The following TMEM114 variants were observed in gnomAD, a reference collection of about 807,000 sequenced individuals.
The protein encoded by TMEM114 is claudin-26.
TMEM114 carries 6 observed loss-of-function variants against 6.2 expected under a neutral mutation model. That is an observed-to-expected ratio of 0.97 (90% confidence interval 0.53 to 1.91). The LOEUF (loss-of-function observed/expected upper bound fraction) is 1.91, where lower values mean the gene tolerates loss of function less well. Among genes scored for constraint, TMEM114 ranks in the 40% most tolerant of loss-of-function variants. The probability of loss-of-function intolerance (pLI) is 0.01; values close to 1 mark genes in which losing one functional copy is unlikely to be tolerated. For synonymous variants in TMEM114, 104 were observed against 73.0 expected (o/e 1.42, Z -2.16); for missense variants, 218 against 158.3 (o/e 1.38, Z -2.02).
At chr16:8,588,476 G>T (rs1036768074) in intron 2 of TMEM114, among the ~76,000 whole-genome samples, 17 of 152,106 alleles carry the variant, frequency 1.1e-4, no homozygotes, top group Non-Finnish European at 2.4e-4. Context: ...AAAGCAGTTC[G>T]CTCCACGTCT....
chr16:8,586,286 C>T (rs1481704333), intron 2 of TMEM114, among the ~76,000 whole-genome samples: 3 of 152,174 alleles, frequency 2.0e-5, no homozygotes, highest in African/African-American at 7.2e-5. Context: ...TATGACTGGT[C>T]CTAGGCAAGG....
intron 2 of TMEM114, among the ~76,000 whole-genome samples, chr16:8,547,195 T>G (rs1449830642): frequency 2.0e-5 from 3 of 152,008 alleles, no homozygotes; most frequent in African/African-American, 7.2e-5. Flanking sequence ...TTGTCATGAT[T>G]TTTGCATTAA....
chr16:8,582,603 G>A (rs1304793864), intron 2 of TMEM114, among the ~76,000 whole-genome samples: 5 of 152,182 alleles, frequency 3.3e-5, no homozygotes, highest in Admixed American at 2.6e-4. Flanking sequence ...ACAAACTGCT[G>A]AGTAGGCTGG....
downstream of TMEM114, among the ~76,000 whole-genome samples, chr16:8,565,923 A>G (rs1261258530): frequency 6.6e-6 from 1 of 152,226 alleles, no homozygotes; most frequent in East Asian, 1.9e-4. Flanking sequence ...CCACTGTCTT[A>G]AAGGCATATC....
intron 2 of TMEM114, among the ~76,000 whole-genome samples, chr16:8,553,632 C>T (rs1448558164): frequency 2.0e-5 from 3 of 152,152 alleles, no homozygotes; most frequent in South Asian, 2.1e-4. Flanking sequence ...ACTGCCGGCG[C>T]CTGCCATCAC....
At chr16:8,542,620 T>A (rs1445371095) in intron 2 of TMEM114, among the ~76,000 whole-genome samples, 1 of 152,096 alleles carries the variant, frequency 6.6e-6, no homozygotes, top group South Asian at 2.1e-4. Context: ...TCTGTGGGTT[T>A]GGGGTGGGGG....
chr16:8,566,944 A>C (rs1316755874), downstream of TMEM114, among the ~76,000 whole-genome samples: 1 of 116,104 alleles, frequency 8.6e-6, no homozygotes, highest in Non-Finnish European at 1.6e-5. Flanking sequence ...TCTGTCACCC[A>C]GGCTGGAGCG....
At chr16:8,584,445 C>T (rs1323533400) in intron 2 of TMEM114, among the ~76,000 whole-genome samples, 1 of 152,170 alleles carries the variant, frequency 6.6e-6, no homozygotes, top group East Asian at 1.9e-4. Flanking sequence ...AGATGAAACA[C>T]TTCAGCAAAG....
intron 2 of TMEM114, among the ~76,000 whole-genome samples, chr16:8,551,024 C>T (rs1299021086): frequency 6.6e-6 from 1 of 152,178 alleles, no homozygotes; most frequent in African/African-American, 2.4e-5. Context: ...CAAAGTCTAG[C>T]AAAGGTGACA....
At chr16:8,580,899 C>G (rs1902124971) in intron 2 of TMEM114, among the ~76,000 whole-genome samples, 1 of 152,108 alleles carries the variant, frequency 6.6e-6, no homozygotes, top group African/African-American at 2.4e-5. Context: ...ACCATGTTGC[C>G]CAGACTGGTC....
intron 2 of TMEM114, among the ~76,000 whole-genome samples, chr16:8,543,137 G>A (rs1479731160): frequency 6.6e-6 from 1 of 152,158 alleles, no homozygotes; most frequent in Non-Finnish European, 1.5e-5. Context: ...TTTCTGAAGT[G>A]TTTGGCCTCA....
chr16:8,562,526 T>TGAGTGAGTGAGTGAATGAGTGAGTGATG (rs1465142445), intron 2 of TMEM114, among the ~76,000 whole-genome samples: 1 of 127,142 alleles, frequency 7.9e-6, no homozygotes, highest in East Asian at 2.4e-4. Context: ...ATGAGTGAGT[T>TGAGTGAGTGAGTGAATGAGTGAGTGATG]AATGAGTGAG....
chr16:8,574,622 C>G (rs1446104302), intron 2 of TMEM114, among the ~76,000 whole-genome samples: 1 of 89,062 alleles, frequency 1.1e-5, no homozygotes, highest in Admixed American at 1.1e-4. Flanking sequence ...AGGGAAAAGT[C>G]TTGGGCAGGG....
At position 8,590,041 on chromosome 16, in the gene TMEM114, C is replaced by T. The variant is rs1351845114; in HGVS notation, c.-203G>A. 1.1e-5 allele frequency: 4 copies of T among 379,626 alleles called. No homozygotes were observed. The highest frequency in any genetic ancestry group is 6.3e-5 in the African/African-American group (3 of 47,816). 23.5% of individuals were successfully genotyped at this position (379,626 alleles called of 1,614,324 possible). A position where few individuals can be genotyped will look rare whatever the true frequency, so the allele number is the denominator to read the frequency against. ...TCACCTGCCGGCTCCGACCTGCACG[C>T]GCCCCCCGCTCAGCCGCCGTCCACG... On this transcript the variant is annotated 5_prime_UTR_variant, in exon 1 of 4. Transcript: ENST00000620492.
In TMEM114 at chr16:8,572,087, C is replaced by A. The variant is rs1411417722; in HGVS notation, c.439G>T (p.Ala147Ser). Residue 147 changes from alanine (A) to serine (S), a missense_variant and splice_region_variant, in exon 3 of 4, where the codon GCC (alanine) becomes TCC (serine). Coordinates refer to ENST00000620492, the MANE Select transcript of TMEM114 (RefSeq NM_001146336.2). ...AGCCCTAGGCAGGGTGGGCACCTAC[C>A]TCCAAAGAGGAAGAGAATTCCAGTG... ...LLTGILFLFG[A>S]MVTLAGISVY... 1.9e-6 allele frequency: 3 copies of A among 1,543,960 alleles called. No homozygotes were observed. The Admixed American group carries it at 6.0e-5, about 31-fold the overall frequency.
At chr16:8,553,484 C>A (rs187245716) in intron 2 of TMEM114, among the ~76,000 whole-genome samples, 3 of 126,950 alleles carry the variant, frequency 2.4e-5, no homozygotes, top group African/African-American at 9.2e-5. Flanking sequence ...GCAGTCTCAG[C>A]TTTTCTTTCT....
intron 2 of TMEM114, among the ~76,000 whole-genome samples, chr16:8,560,460 G>C (rs1019827802): frequency 2.0e-5 from 3 of 152,158 alleles, no homozygotes; most frequent in Non-Finnish European, 4.4e-5. Context: ...GTTAACAAAA[G>C]TTTGCATGCC....
downstream of TMEM114, among the ~76,000 whole-genome samples, chr16:8,564,912 A>T (rs1483773326): frequency 1.3e-5 from 2 of 149,738 alleles, no homozygotes; most frequent in Non-Finnish European, 3.0e-5. Context: ...TGAGTGAATG[A>T]GTGACTGAGT....
intron 2 of TMEM114, among the ~76,000 whole-genome samples, chr16:8,541,039 G>A (rs1399882463): frequency 7.2e-6 from 1 of 138,586 alleles, no homozygotes; most frequent in Non-Finnish European, 1.6e-5. Flanking sequence ...AGTGAGGTGA[G>A]GCTGAGAGCG....
Sources: gnomAD v4.1 joint callset for allele counts (sites outside exome capture counted in the v4.1 genomes callset) on GRCh38, gnomAD v4.1.1 for gene constraint, MANE v1.5 for transcripts, NCBI Gene and HGNC (gene_info 2026-07-23, HGNC 2026-07-21) for gene names.